Variants in RPS6KA2 observed in about 807,000 individuals in gnomAD.
RPS6KA2 encodes ribosomal protein S6 kinase A2, also known as ribosomal protein S6 kinase alpha-2.
In RPS6KA2, 42 loss-of-function variants were observed where a neutral mutation model predicts 91.8. The observed-to-expected ratio is 0.46, with a 90% CI of 0.36 to 0.59. RPS6KA2 has a LOEUF of 0.59. RPS6KA2 is among the 20% of genes least tolerant of loss of function. The pLI is 0.00. For synonymous variants in RPS6KA2, 414 were observed against 393.6 expected (o/e 1.05, Z -0.61); for missense variants, 798 against 978.5 (o/e 0.82, Z 2.46).
chr6:166,719,351 T>A (rs762097038), intron 2 of RPS6KA2, among the ~76,000 whole-genome samples: 5 of 152,226 alleles, frequency 3.3e-5, no homozygotes, highest in Non-Finnish European at 5.9e-5. Flanking sequence ...TTTTTATGCA[T>A]CATGAAATCT....
rs1044455000 is a variant in RPS6KA2, at chr6:166,500,707, G to A, written c.604+180C>T. On this transcript the variant is annotated intron_variant, in intron 7 of 20. Transcript: ENST00000265678. This position sits in a 1 kb window ranked among gnomAD's most constrained non-coding sequence, Gnocchi z 4.3. ...ACCGGGAAGCTGCATGGGTCTGGAC[G>A]TTATGAAGACATACAATGCCATAAG... Among the ~76,000 whole-genome samples, 3 of 152,164 alleles carry A rather than the reference G, an allele frequency of 2.0e-5. No individual in the cohort carries two copies. The highest frequency in any genetic ancestry group is 1.9e-4 in the East Asian group (1 of 5,192).
At chr6:166,600,506 CCTGTTTGACACA>C (rs1253367115) in intron 1 of RPS6KA2, among the ~76,000 whole-genome samples, 1 of 152,246 alleles carries the variant, frequency 6.6e-6, no homozygotes, top group African/African-American at 2.4e-5. Flanking sequence ...ACCTGGTTTC[CCTGTTTGACACA>C]CTGTCTTGGG....
chr6:166,415,051 C>T (rs1562477651), intron 19 of RPS6KA2, among the ~76,000 whole-genome samples: 1 of 152,064 alleles, frequency 6.6e-6, no homozygotes, highest in Admixed American at 6.6e-5. Context: ...GGTTACATGG[C>T]AAGAGTCCAT....
In RPS6KA2 at chr6:166,419,868, A is replaced by G. The variant is rs768642688; in HGVS notation, c.1820+14T>C. The G allele has an allele frequency of 2.0e-5, 33 of 1,610,850 alleles. No homozygotes were observed. The African/African-American group carries it at 4.1e-4, about 20-fold the overall frequency. Reference sequence around the variant, plus strand: ...TGTGTCTCCTCCTGACACCTGTTTGAGGTGACTGCTTACCCTGCCAGCATG... The same window carrying G: ...TGTGTCTCCTCCTGACACCTGTTTGGGGTGACTGCTTACCCTGCCAGCATG... On this transcript the variant is annotated intron_variant, in intron 18 of 20. Transcript: ENST00000265678. The surrounding 1 kb of genome is among the most constrained non-coding windows in gnomAD (Gnocchi z 5.6).
At chr6:166,607,989 G>A (rs1019511055) in intron 1 of RPS6KA2, among the ~76,000 whole-genome samples, 8 of 151,014 alleles carry the variant, frequency 5.3e-5, no homozygotes, top group Admixed American at 3.3e-4. Flanking sequence ...CTGCCAGAGC[G>A]AGAAGGCAAA....
chr6:166,750,460 G>A (rs375377648), intron 2 of RPS6KA2, among the ~76,000 whole-genome samples: 35 of 152,266 alleles, frequency 2.3e-4, no homozygotes, highest in East Asian at 5.8e-4. Context: ...ACGCCTTTCC[G>A]GGGCCTGTAC....
chr6:166,501,604 G>A (rs141446395), intron 6 of RPS6KA2, among the ~76,000 whole-genome samples: 121 of 152,324 alleles, frequency 7.9e-4, no homozygotes, highest in African/African-American at 2.3e-3. Context: ...GTATCCTGCC[G>A]TGGGGTGAAC....
chr6:166,438,736 G>C (rs930922133), intron 14 of RPS6KA2, among the ~76,000 whole-genome samples: 1 of 152,214 alleles, frequency 6.6e-6, no homozygotes, highest in Non-Finnish European at 1.5e-5. Context: ...CAGGCCAAGA[G>C]AAAGAGCCAA....
chr6:166,602,261 T>G (rs553593226), intron 1 of RPS6KA2, among the ~76,000 whole-genome samples: 1 of 152,226 alleles, frequency 6.6e-6, no homozygotes, highest in Non-Finnish European at 1.5e-5. Flanking sequence ...TTGGTGGGAA[T>G]GCATCTTATA....
rs1315064592 is a variant in RPS6KA2, at chr6:166,445,806, T to A, written c.1332+2918A>T. Among the ~76,000 whole-genome samples, 7 of 152,204 alleles carry A rather than the reference T, an allele frequency of 4.6e-5. No individual in the cohort carries two copies. The highest frequency in any genetic ancestry group is 4.6e-4 in the Admixed American group (7 of 15,288). ...TGAGCCAGGGGTAGGTGGGATCGTA[T>A]ACGGCTCAAGCGGCAACTGGGAGTG... On this transcript the variant is annotated intron_variant, in intron 14 of 20. Coordinates refer to ENST00000265678, the MANE Select transcript of RPS6KA2 (RefSeq NM_021135.6). This position sits in a 1 kb window ranked among gnomAD's most constrained non-coding sequence, Gnocchi z 4.5.
At position 166,409,497 on chromosome 6, in the gene RPS6KA2, A is replaced by G. The variant is rs1778230818; in HGVS notation, c.*3265T>C. ...TCTCAAACATGAATTACAAAGCAGG[A>G]ACATAAAAATGATGTGTAAACATAA... is the stretch of plus-strand genomic sequence containing the variant. On this transcript the variant is annotated 3_prime_UTR_variant, in exon 21 of 21. Transcript: ENST00000265678. 6.6e-6 allele frequency: 1 copy of G among 152,500 alleles called. No homozygotes were observed. The highest frequency in any genetic ancestry group is 1.5e-5 in the Non-Finnish European group (1 of 68,046). 9.4% of individuals were successfully genotyped at this position (152,500 alleles called of 1,614,324 possible). A position where few individuals can be genotyped will look rare whatever the true frequency, so the allele number is the denominator to read the frequency against.
At position 166,550,341 on chromosome 6, in the gene RPS6KA2, C is replaced by G. The variant is rs181754359; in HGVS notation, c.100-11557G>C. 1.6e-4 allele frequency among the ~76,000 whole-genome samples: 24 copies of G among 150,374 alleles called. No homozygotes were observed. In the East Asian group the frequency reaches 4.1e-3, roughly 26 times the overall value. On this transcript the variant is annotated intron_variant, in intron 1 of 20. Transcript: ENST00000265678. ...AAAATTAACTGTGAGTTTTCAAAAGCAAATAAGATCAAACAACTTGCTGCA... is the reference window on the plus strand; with the variant it reads ...AAAATTAACTGTGAGTTTTCAAAAGGAAATAAGATCAAACAACTTGCTGCA...
chr6:166,453,175 T>C (rs1042641825), intron 12 of RPS6KA2, among the ~76,000 whole-genome samples: 1 of 148,896 alleles, frequency 6.7e-6, no homozygotes, highest in African/African-American at 2.5e-5. Flanking sequence ...CACTCCAGCC[T>C]GGGCGACAGA....
At chr6:166,765,336 G>A (rs1261181051) in intron 2 of RPS6KA2, among the ~76,000 whole-genome samples, 3 of 152,154 alleles carry the variant, frequency 2.0e-5, no homozygotes, top group Non-Finnish European at 4.4e-5. Context: ...AGGATGCTCC[G>A]GGACGCGTGG....
intron 2 of RPS6KA2, among the ~76,000 whole-genome samples, chr6:166,768,795 C>T (rs538257495): frequency 2.6e-4 from 39 of 152,250 alleles, no homozygotes; most frequent in Middle Eastern, 3.4e-3. Flanking sequence ...TACGGGGTTC[C>T]CGCCTATCAA....
chr6:166,827,388 T>A (rs1780076965), intron 2 of RPS6KA2, among the ~76,000 whole-genome samples: 1 of 152,136 alleles, frequency 6.6e-6, no homozygotes, highest in African/African-American at 2.4e-5. Flanking sequence ...CCGTTCAGCC[T>A]TGTTATTGAT....
At chr6:166,644,028 C>G (rs1002430879) in intron 2 of RPS6KA2, among the ~76,000 whole-genome samples, 7 of 152,174 alleles carry the variant, frequency 4.6e-5, no homozygotes, top group Non-Finnish European at 5.9e-5. Context: ...GAACTGGCAG[C>G]CAGATGGCCA....
rs540391944 is a variant in RPS6KA2, at chr6:166,430,562, C to G, written c.1472G>C (p.Gly491Ala). The change falls in exon 16 of 21, where the codon GGT becomes GCT. Residue 491 changes from glycine (G) to alanine (A), a missense_variant. By Grantham distance (60) the Gly-to-Ala change is moderately conservative. Coordinates refer to ENST00000265678, the MANE Select transcript of RPS6KA2 (RefSeq NM_021135.6). The part of the protein sequence containing the change: ...FVYLVMELMR[G>A]GELLDRILRQ... ...GAGGATGCGGTCCAGGAGCTCCCCA[C>G]CACGCATCAGCTCCATTACCAGGTA... The G allele has an allele frequency of 6.2e-7, 1 of 1,614,014 alleles. No individual in the cohort carries two copies. Among genetic ancestry groups the G allele is most frequent in the African/African-American group, 1.3e-5 (1 of 75,040 alleles).
intron 17 of RPS6KA2, among the ~76,000 whole-genome samples, chr6:166,420,879 T>G (rs1476798182): frequency 6.6e-6 from 1 of 152,202 alleles, no homozygotes; most frequent in Non-Finnish European, 1.5e-5. Flanking sequence ...ATAGTTACAG[T>G]TGAATAACAA....
Sources: gnomAD v4.1 joint callset for allele counts (sites outside exome capture counted in the v4.1 genomes callset) on GRCh38, gnomAD v4.1.1 for gene constraint, Gnocchi (gnomAD v3.1) non-coding constraint, MANE v1.5 for transcripts, NCBI Gene and HGNC (gene_info 2026-07-23, HGNC 2026-07-21) for gene names.